The following SLCO2B1 variants were observed in gnomAD, a reference collection of about 807,000 sequenced individuals.
The protein encoded by SLCO2B1 is OATP-RP2.
A neutral mutation model predicts 67.3 loss-of-function variants in SLCO2B1; 41 were observed. The observed-to-expected ratio is 0.61, with a 90% confidence interval of 0.47 to 0.79. SLCO2B1 has a LOEUF of 0.79. Among genes scored for constraint, SLCO2B1 ranks in the 30% least tolerant of loss-of-function variants. SLCO2B1 has a pLI of 0.00. For missense variants in SLCO2B1, 837 were observed against 920.1 expected (o/e 0.91, Z 1.17); for synonymous variants, 379 against 381.4 (o/e 0.99, Z 0.07).
At chr11:75,175,926 G>T (rs1225023429) in intron 7 of SLCO2B1, among the ~76,000 whole-genome samples, 1 of 152,174 alleles carries the variant, frequency 6.6e-6, no homozygotes, top group East Asian at 1.9e-4. Flanking sequence ...GGGATTGGGG[G>T]AGGCCATGCA....
intron 6 of SLCO2B1, among the ~76,000 whole-genome samples, 181 bp from the exon 7 acceptor site, chr11:75,172,198 G>A (rs574729858): frequency 1.2e-4 from 19 of 152,246 alleles, no homozygotes; most frequent in East Asian, 5.8e-4. Flanking sequence ...GCCAAGGCTC[G>A]GAAAGGGCCA....
rs142944514 is a variant in SLCO2B1, at chr11:75,177,851, T to G, written c.972+5282T>G. The stretch of plus-strand genomic sequence containing the variant: ...TGGCTCACACCTGTAATCTCAGCAC[T>G]TTAGGAGGCTGAGGCGGGCACATCA... On this transcript the variant is annotated intron_variant, in intron 7 of 13. Coordinates refer to ENST00000289575, the MANE Select transcript of SLCO2B1 (RefSeq NM_007256.5). Among the ~76,000 whole-genome samples, 336 of 152,200 alleles carry G rather than the reference T, an allele frequency of 2.2e-3. 2 individuals carry two copies. Among genetic ancestry groups the G allele is most frequent in the African/African-American group, 7.7e-3 (321 of 41,518 alleles).
In SLCO2B1 at chr11:75,196,456, A is replaced by C; in HGVS notation, c.1434-58A>C. 1.9e-6 allele frequency: 3 copies of C among 1,553,242 alleles called. No homozygotes were observed. In the East Asian group the frequency reaches 6.8e-5, roughly 35 times the overall value. On this transcript the variant is annotated intron_variant, in intron 9 of 13. Transcript: ENST00000289575. ...TCGGCTACAGGGCCGAGGATGCCCC[A>C]GCTAGTGGCCTAAGGGAGGGAAGCC...
At chr11:75,168,872 C>T (rs1237730602) in intron 4 of SLCO2B1, among the ~76,000 whole-genome samples, 1 of 152,218 alleles carries the variant, frequency 6.6e-6, no homozygotes, top group East Asian at 1.9e-4. Flanking sequence ...CCAGGGGCCA[C>T]CGTTGCTATG....
intron 1 of SLCO2B1, among the ~76,000 whole-genome samples, chr11:75,157,322 T>C (rs1442677087): frequency 6.6e-6 from 1 of 152,234 alleles, no homozygotes; most frequent in Admixed American, 6.5e-5. Flanking sequence ...ATCATGTGAA[T>C]GTTGACGGTA....
intron 6 of SLCO2B1, among the ~76,000 whole-genome samples, 200 bp from the exon 7 acceptor site, chr11:75,172,179 G>A (rs909229671): frequency 2.0e-5 from 3 of 152,210 alleles, no homozygotes; most frequent in African/African-American, 7.2e-5. Flanking sequence ...TGCCTTGGTA[G>A]TTGAAGAAGC....
chr11:75,166,054 C>T, intron 4 of SLCO2B1, 105 bp downstream of exon 4: 1 of 1,357,798 alleles, frequency 7.4e-7, no homozygotes, highest in Non-Finnish European at 1.0e-6. Flanking sequence ...ACCCCAAAAC[C>T]TCAACACCCC....
intron 4 of SLCO2B1, among the ~76,000 whole-genome samples, chr11:75,168,051 T>A (rs917338594): frequency 6.6e-6 from 1 of 151,888 alleles, no homozygotes; most frequent in African/African-American, 2.4e-5. Flanking sequence ...GTGCCACCAC[T>A]CCCGGCTAAT....
At position 75,183,118 on chromosome 11, in the gene SLCO2B1, T is replaced by C. The variant is rs1380826186; in HGVS notation, c.973-5018T>C. Reference sequence around the variant, plus strand: ...ATGAACCACATATGTAATTCTAATTTTTTTTGTCCACATGCAAAAGTAAAA... The same window carrying C: ...ATGAACCACATATGTAATTCTAATTCTTTTTGTCCACATGCAAAAGTAAAA... On this transcript the variant is annotated intron_variant, in intron 7 of 13. Coordinates refer to ENST00000289575, the MANE Select transcript of SLCO2B1 (RefSeq NM_007256.5). 3.9e-5 allele frequency among the ~76,000 whole-genome samples: 6 copies of C among 152,350 alleles called. No individual in the cohort carries two copies. The South Asian group carries it at 6.2e-4, about 16-fold the overall frequency.
intron 7 of SLCO2B1, among the ~76,000 whole-genome samples, chr11:75,179,550 T>C (rs1950069807): frequency 6.6e-6 from 1 of 152,026 alleles, no homozygotes; most frequent in East Asian, 1.9e-4. Flanking sequence ...ATATTTTGAA[T>C]TGGCATACAA....
chr11:75,184,750 G>C (rs1376974466), intron 7 of SLCO2B1, among the ~76,000 whole-genome samples: 1 of 152,142 alleles, frequency 6.6e-6, no homozygotes, highest in African/African-American at 2.4e-5. Context: ...GCTCCTCGCT[G>C]CTCATGGAAC....
At chr11:75,172,132 G>T (rs779869494) in intron 6 of SLCO2B1, among the ~76,000 whole-genome samples, 2 of 152,152 alleles carry the variant, frequency 1.3e-5, no homozygotes, top group Non-Finnish European at 2.9e-5. Flanking sequence ...CCAGCAGTCC[G>T]CCTCTAGAGT....
chr11:75,166,462 G>A (rs577341880), intron 4 of SLCO2B1, among the ~76,000 whole-genome samples: 111 of 152,254 alleles, frequency 7.3e-4, no homozygotes, highest in Middle Eastern at 3.4e-3. Context: ...TCAGCCCAGT[G>A]GGATTTTGTT....
intron 7 of SLCO2B1, among the ~76,000 whole-genome samples, chr11:75,177,435 C>G (rs1034678245): frequency 6.6e-6 from 1 of 152,122 alleles, no homozygotes; most frequent in African/African-American, 2.4e-5. Context: ...GTGGCAGGGA[C>G]AGGGCTAGAC....
Position 75,188,036 on chromosome 11 carries a change from A to C in SLCO2B1, c.973-100A>C, listed in dbSNP as rs922766345. 17 of 722,064 alleles carry C rather than the reference A, an allele frequency of 2.4e-5. No individual in the cohort carries two copies. In the African/African-American group the frequency reaches 2.8e-4, roughly 12 times the overall value. The allele number at this position is 722,064 out of a possible 1,614,324, so 44.7% of individuals were successfully genotyped here. On this transcript the variant is annotated intron_variant, in intron 7 of 13. Transcript: ENST00000289575. ...CTCCTGAAGAGATGACAGGGCTCTC[A>C]CCCTCTCCTCTCCAAGACCTCTCCT... is the stretch of plus-strand genomic sequence containing the variant.
chr11:75,200,191 T>C, intron 10 of SLCO2B1, 33 bp from the exon 11 acceptor site: 1 of 1,583,872 alleles, frequency 6.3e-7, no homozygotes, highest in Non-Finnish European at 8.6e-7. Flanking sequence ...CCTTGGAGGC[T>C]CTTGAAGTCT....
chr11:75,172,596 G>A (rs1387941641), intron 7 of SLCO2B1, 27 bp downstream of exon 7: 47 of 1,597,226 alleles, frequency 2.9e-5, no homozygotes, highest in Non-Finnish European at 3.9e-5. Context: ...TCACCTGACT[G>A]GGTCCAGGCT....
Position 75,165,695 on chromosome 11 carries a change from G to A in SLCO2B1, c.286-92G>A, listed in dbSNP as rs74823009. The A allele has an allele frequency of 6.7e-5, 89 of 1,324,284 alleles. No individual in the cohort carries two copies. In the African/African-American group the frequency reaches 1.1e-3, roughly 17 times the overall value. The allele number at this position is 1,324,284 out of a possible 1,614,324, so 82.0% of individuals were successfully genotyped here. On this transcript the variant is annotated intron_variant, in intron 3 of 13. Transcript: ENST00000289575. ...TTTATTCAGTCCATTATTCAGATGG[G>A]CATACGGAAGTTAGACATAGAGACA...
intron 7 of SLCO2B1, among the ~76,000 whole-genome samples, chr11:75,183,518 G>A (rs575598096): frequency 1.5e-4 from 23 of 152,276 alleles, no homozygotes; most frequent in African/African-American, 5.3e-4. Context: ...GGGGGCTAGT[G>A]GATAAAGTAT....
Sources: gnomAD v4.1 joint callset for allele counts (sites outside exome capture counted in the v4.1 genomes callset) on GRCh38, gnomAD v4.1.1 for gene constraint, MANE v1.5 for transcripts, NCBI Gene and HGNC (gene_info 2026-07-23, HGNC 2026-07-21) for gene names.